BOD1L1: variants seen among roughly 807,000 people sequenced by gnomAD.
BOD1L1 encodes the protein biorientation of chromosomes in cell division 1 like 1.
BOD1L1 carries 86 observed loss-of-function variants against 240.7 expected under a neutral mutation model. The ratio of observed to expected loss-of-function variants is 0.36; its 90% confidence interval spans 0.30 to 0.43. The LOEUF (loss-of-function observed/expected upper bound fraction) is 0.43. Among genes scored for constraint, BOD1L1 ranks in the 20% least tolerant of loss-of-function variants. The probability of loss-of-function intolerance (pLI) is 1.00; values close to 1 mark genes in which losing one functional copy is unlikely to be tolerated. For synonymous variants in BOD1L1, 1,268 were observed against 1,272.3 expected, an observed-to-expected ratio of 1.00 and a Z score of 0.07; for missense variants, 3,554 against 3,643.5, an observed-to-expected ratio of 0.98 and a Z score of 0.63.
At chr4:13,611,835 G>T (rs962603254) in intron 5 of BOD1L1, among the ~76,000 whole-genome samples, 2 of 152,086 alleles carry the variant, frequency 1.3e-5, no homozygotes, top group South Asian at 2.1e-4. Flanking sequence ...TTCTCATTTA[G>T]GGAAGAGGTG....
chr4:13,626,811 T>C (rs1484387245), intron 1 of BOD1L1, among the ~76,000 whole-genome samples: 1 of 152,200 alleles, frequency 6.6e-6, no homozygotes, highest in African/African-American at 2.4e-5. Flanking sequence ...ATGGCCTAAG[T>C]TACCTAAATC....
Position 13,627,578 on chromosome 4 carries a change from T to G in BOD1L1, c.10A>C (p.Asn4His). 2 of 1,135,958 alleles carry G rather than the reference T, an allele frequency of 1.8e-6. No individual in the cohort carries two copies. The highest frequency in any genetic ancestry group is 4.3e-5 in the South Asian group (1 of 23,428). The allele number at this position is 1,135,958 out of a possible 1,614,324, so 70.4% of individuals were successfully genotyped here. MAT[N>H]PQPQPPPPAP... Reference sequence around the variant, plus strand: ...GGAGGAGGCGGCTGCGGCTGTGGGTTGGTGGCCATGGTGGCCTGTGCCGGG... The same window carrying G: ...GGAGGAGGCGGCTGCGGCTGTGGGTGGGTGGCCATGGTGGCCTGTGCCGGG... Residue 4 changes from asparagine (N) to histidine (H), a missense_variant, in exon 1 of 26, where the codon AAC (asparagine) becomes CAC (histidine). By Grantham distance (68) the Asn-to-His change is moderately conservative. Transcript: ENST00000040738.
intron 2 of BOD1L1, among the ~76,000 whole-genome samples, chr4:13,615,822 C>T (rs1006729230): frequency 1.1e-4 from 16 of 152,186 alleles, no homozygotes; most frequent in African/African-American, 3.9e-4. Context: ...ATGCTTATCT[C>T]ACCCCTACTC....
intron 2 of BOD1L1, among the ~76,000 whole-genome samples, chr4:13,617,076 C>T (rs1395836730): frequency 6.6e-6 from 1 of 151,958 alleles, no homozygotes; most frequent in Non-Finnish European, 1.5e-5. Context: ...GAAACCTCAT[C>T]TCTCCTAAAA....
intron 11 of BOD1L1, 107 bp from the exon 12 acceptor site, chr4:13,596,051 A>C: frequency 1.1e-6 from 1 of 877,034 alleles, no homozygotes; most frequent in Non-Finnish European, 1.8e-6. Context: ...AAACAATATA[A>C]AAGCCTATTT....
At position 13,600,202 on chromosome 4, in the gene BOD1L1, C is replaced by T. The variant is rs764136044; in HGVS notation, c.6698G>A (p.Gly2233Asp). The T allele has an allele frequency of 1.1e-5, 18 of 1,613,870 alleles. No homozygotes were observed. Among genetic ancestry groups the T allele is most frequent in the Non-Finnish European group, 8.5e-6 (10 of 1,179,898 alleles). ...CTCATTTTCACTTTCAACAACTACA[C>T]CGGAAACAGAAGCCTCACATTCTTC... is the stretch of plus-strand genomic sequence containing the variant. ...IAEECEASVS[G>D]VVVESENERA... is the part of the protein sequence containing the mutation. Residue 2233 changes from glycine (G) to aspartate (D), a missense_variant, in exon 10 of 26, where the codon GGT becomes GAT. Gly to Asp is a moderately conservative substitution (Grantham distance 94, BLOSUM62 -1). This residue lies in a region of BOD1L1 where 3,393 missense variants were observed against 3,427.1 expected (regional missense o/e 0.99). Coordinates refer to ENST00000040738, the MANE Select transcript of BOD1L1 (RefSeq NM_148894.3).
intron 15 of BOD1L1, 96 bp downstream of exon 15, chr4:13,588,626 T>C: frequency 1.1e-6 from 1 of 913,108 alleles, no homozygotes; most frequent in Non-Finnish European, 1.6e-6. Context: ...AATATTTAAT[T>C]TATACAAAGA....
chr4:13,599,571 T>C lies in BOD1L1; in HGVS notation c.7329A>G (p.Pro2443=), dbSNP rs1577344349. 1 of 1,614,050 alleles carries C rather than the reference T, an allele frequency of 6.2e-7. No individual in the cohort carries two copies. Among genetic ancestry groups the C allele is most frequent in the Non-Finnish European group, 8.5e-7 (1 of 1,179,910 alleles). ...TCTCTTTCTGTCCTCTTCCTGCAAA[T>C]GGTCCTATTTCGGGGCACTCCTTGC... ...KHGKECPEIG[P]FAGRGQKEST... Residue 2443 remains proline (P), a synonymous_variant, in exon 10 of 26, where the codon CCA becomes CCG. Transcript: ENST00000040738.
chr4:13,576,834 T>C lies in BOD1L1; in HGVS notation c.9038+4A>G. 6.2e-7 allele frequency: 1 copy of C among 1,612,860 alleles called. No homozygotes were observed. Among genetic ancestry groups the C allele is most frequent in the Non-Finnish European group, 8.5e-7 (1 of 1,179,478 alleles). ...CTCTGGCAGCTCTGTGCTGCCCCCA[T>C]TACCTCTGAGCCTCTGATCTGGTGG... is the stretch of plus-strand genomic sequence containing the variant. On this transcript the variant is annotated splice_donor_region_variant and intron_variant, in intron 25 of 25. Coordinates refer to ENST00000040738, the MANE Select transcript of BOD1L1 (RefSeq NM_148894.3).
Position 13,576,891 on chromosome 4 carries a change from C to G in BOD1L1, c.8985G>C (p.Glu2995Asp). ...ESDEEEEEEE[E>D]DEPSGATTRS... is the part of the protein sequence containing the mutation. ...TTGTGGTGGCTCCTGAAGGCTCGTC[C>G]TCTTCCTCTTCTTCCTCTTCCTCAT... Residue 2995 changes from glutamate to aspartate, a missense_variant, in exon 25 of 26, where the codon GAG (glutamate) becomes GAC (aspartate). Physicochemically the swap from Glu to Asp is conservative, Grantham distance 45 (BLOSUM62 2). Transcript: ENST00000040738. The G allele has an allele frequency of 6.2e-7, 1 of 1,613,996 alleles. No homozygotes were observed. The highest frequency in any genetic ancestry group is 8.5e-7 in the Non-Finnish European group (1 of 1,179,884).
intron 3 of BOD1L1, 24 bp downstream of exon 3, chr4:13,615,288 T>C: frequency 1.3e-6 from 2 of 1,558,356 alleles, no homozygotes; most frequent in East Asian, 2.3e-5. Flanking sequence ...ACAATGGAAC[T>C]GACCAAGAGT....
chr4:13,583,519 C>T (rs1713403275), intron 17 of BOD1L1, among the ~76,000 whole-genome samples: 1 of 152,114 alleles, frequency 6.6e-6, no homozygotes, highest in South Asian at 2.1e-4. Flanking sequence ...TTTGATATAG[C>T]CTTTCAGGGA....
chr4:13,603,153 A>G lies in BOD1L1; in HGVS notation c.3747T>C (p.Asn1249=), dbSNP rs1017338679. 1.2e-5 allele frequency: 20 copies of G among 1,613,912 alleles called. No individual in the cohort carries two copies. The East Asian group carries it at 3.1e-4, about 25-fold the overall frequency. The change falls in exon 10 of 26, where the codon AAT becomes AAC. Residue 1249 remains asparagine (N), a synonymous_variant. Transcript: ENST00000040738. ...HRMLLSAPSE[N]DRVQKNLKNT... is the part of the protein sequence containing the mutation. ...TTTTCAAATTCTTCTGTACCCTATCATTTTCTGATGGGGCACTCAGTAACA... is the reference window on the plus strand; with the variant it reads ...TTTTCAAATTCTTCTGTACCCTATCGTTTTCTGATGGGGCACTCAGTAACA...
Position 13,576,826 on chromosome 4 carries a change from T to C in BOD1L1, c.9038+12A>G, listed in dbSNP as rs776337299. 1 of 1,611,884 alleles carries C rather than the reference T, an allele frequency of 6.2e-7. No individual in the cohort carries two copies. The highest frequency in any genetic ancestry group is 8.5e-7 in the Non-Finnish European group (1 of 1,179,256). The stretch of plus-strand genomic sequence containing the variant: ...GTGAAGGTCTCTGGCAGCTCTGTGC[T>C]GCCCCCATTACCTCTGAGCCTCTGA... On this transcript the variant is annotated intron_variant, in intron 25 of 25. Transcript: ENST00000040738.
In BOD1L1 at chr4:13,615,352, A is replaced by G; in HGVS notation, c.519T>C (p.Ala173=). The stretch of plus-strand genomic sequence containing the variant: ...AAGTGTCTGGTTTCTCATCATCGGG[A>G]GCTGTGTTGCCACTTCCTTCCTCTT... The part of the protein sequence containing the change: ...NHKEEGSGNT[A]PDDEKPDTSL... Residue 173 remains alanine, a synonymous_variant, in exon 3 of 26, where the codon GCT becomes GCC. Coordinates refer to ENST00000040738, the MANE Select transcript of BOD1L1 (RefSeq NM_148894.3). 6.2e-7 allele frequency: 1 copy of G among 1,613,280 alleles called. No individual in the cohort carries two copies. Among genetic ancestry groups the G allele is most frequent in the Non-Finnish European group, 8.5e-7 (1 of 1,179,550 alleles).
chr4:13,572,712 G>C, intron 25 of BOD1L1: 1 of 1,289,764 alleles, frequency 7.8e-7, no homozygotes, highest in Non-Finnish European at 1.0e-6. Context: ...CTTCCTAATG[G>C]GGGAGAGTTA....
chr4:13,590,321 C>A, intron 14 of BOD1L1, 65 bp downstream of exon 14: 1 of 863,172 alleles, frequency 1.2e-6, no homozygotes, highest in South Asian at 1.8e-5. Context: ...GCCTGGTATA[C>A]AGACCACACT....
At chr4:13,612,465 A>C (rs1224844707) in intron 5 of BOD1L1, among the ~76,000 whole-genome samples, 3 of 152,196 alleles carry the variant, frequency 2.0e-5, no homozygotes, top group Non-Finnish European at 4.4e-5. Flanking sequence ...TGACTGGACA[A>C]GACATGGTCT....
At chr4:13,612,079 G>A (rs1018188922) in intron 5 of BOD1L1, among the ~76,000 whole-genome samples, 2 of 151,980 alleles carry the variant, frequency 1.3e-5, no homozygotes, top group African/African-American at 4.8e-5. Flanking sequence ...CACAGAATAG[G>A]GAGCACTCTT....
Sources: gnomAD v4.1 joint callset for allele counts (sites outside exome capture counted in the v4.1 genomes callset) on GRCh38, gnomAD v4.1.1 for gene constraint, gnomAD v4.1.1 regional missense constraint, MANE v1.5 for transcripts, NCBI Gene and HGNC (gene_info 2026-07-23, HGNC 2026-07-21) for gene names.